INPP4B: variants seen among roughly 807,000 people sequenced by gnomAD.
INPP4B encodes the protein inositol polyphosphate-4-phosphatase type II B.
In INPP4B, 55 loss-of-function variants were observed where a neutral mutation model predicts 122.5. The observed-to-expected ratio is 0.45, with a 90% confidence interval of 0.36 to 0.56. INPP4B has a LOEUF of 0.56. Ranked by LOEUF, INPP4B falls within the 20% of genes least tolerant of loss-of-function variation. The pLI, the probability that INPP4B is intolerant of heterozygous loss-of-function variation, is 0.00. For missense variants in INPP4B, 1,000 were observed against 1,097.7 expected, an observed-to-expected ratio of 0.91 and a Z score of 1.26; for synonymous variants, 403 against 388.7, an observed-to-expected ratio of 1.04 and a Z score of -0.43.
chr4:142,216,314 G>A (rs1847235811), intron 12 of INPP4B, among the ~76,000 whole-genome samples: 1 of 152,164 alleles, frequency 6.6e-6, no homozygotes, highest in African/African-American at 2.4e-5. Context: ...CAAGAAGTTA[G>A]GGAGAAAAGA....
chr4:142,439,683 T>C (rs1173206716), intron 3 of INPP4B, among the ~76,000 whole-genome samples: 1 of 152,228 alleles, frequency 6.6e-6, no homozygotes, highest in African/African-American at 2.4e-5. Flanking sequence ...CTCTCTAATG[T>C]TGGTATTCCC....
At chr4:142,228,870 T>C (rs1852804571) in intron 12 of INPP4B, among the ~76,000 whole-genome samples, 1 of 151,732 alleles carries the variant, frequency 6.6e-6, no homozygotes, top group Non-Finnish European at 1.5e-5. Flanking sequence ...TGTATTTGTG[T>C]GGATATTTGT....
intron 2 of INPP4B, among the ~76,000 whole-genome samples, chr4:142,664,853 GA>G (rs765211894): frequency 6.6e-6 from 1 of 152,160 alleles, no homozygotes; most frequent in Non-Finnish European, 1.5e-5. Flanking sequence ...TATGTTCTGA[GA>G]AATGTATTGT....
At chr4:142,512,078 A>G (rs1289720379) in intron 2 of INPP4B, among the ~76,000 whole-genome samples, 1 of 152,198 alleles carries the variant, frequency 6.6e-6, no homozygotes, top group African/African-American at 2.4e-5. Flanking sequence ...GGTGAAATAA[A>G]GAAATCAGTC....
At chr4:142,537,865 T>C (rs1395101088) in intron 2 of INPP4B, among the ~76,000 whole-genome samples, 1 of 151,900 alleles carries the variant, frequency 6.6e-6, no homozygotes, top group Non-Finnish European at 1.5e-5. Context: ...TTACTTTGAA[T>C]TTTTCAAATC....
chr4:142,222,689 C>T (rs1654844363), intron 12 of INPP4B, among the ~76,000 whole-genome samples: 1 of 152,112 alleles, frequency 6.6e-6, no homozygotes, highest in Non-Finnish European at 1.5e-5. Flanking sequence ...GAGTATTATT[C>T]CGAAATCAGT....
chr4:142,325,589 C>T lies in INPP4B; in HGVS notation c.373-10827G>A, dbSNP rs568771115. Among the ~76,000 whole-genome samples, 284 of 152,194 alleles carry T rather than the reference C, an allele frequency of 1.9e-3. 3 individuals are homozygous for T. The highest frequency in any genetic ancestry group is 3.4e-3 in the Middle Eastern group (1 of 294). ...CAAGTTCATTCTATAGGCTTCCATG[C>T]CAAAAAGAAATACTAGTTAAGACAA... On this transcript the variant is annotated intron_variant, in intron 7 of 25. Coordinates refer to ENST00000262992, the MANE Select transcript of INPP4B (RefSeq NM_001101669.3).
At chr4:142,696,878 G>C (rs1024182753) in intron 2 of INPP4B, among the ~76,000 whole-genome samples, 17 of 152,090 alleles carry the variant, frequency 1.1e-4, no homozygotes, top group African/African-American at 3.6e-4. Flanking sequence ...TGTTTTACTT[G>C]TTTTTATAAC....
intron 7 of INPP4B, among the ~76,000 whole-genome samples, chr4:142,332,892 T>C (rs927018585): frequency 2.7e-5 from 4 of 147,152 alleles, no homozygotes; most frequent in Admixed American, 6.8e-5. Context: ...GTGCCTATAG[T>C]CCCAGCTACG....
Position 142,346,576 on chromosome 4 carries a change from G to A in INPP4B, c.373-31814C>T, listed in dbSNP as rs562231621. 1.7e-4 allele frequency among the ~76,000 whole-genome samples: 26 copies of A among 152,016 alleles called. No homozygotes were observed. The South Asian group carries it at 3.3e-3, about 19-fold the overall frequency. On this transcript the variant is annotated intron_variant, in intron 7 of 25. Coordinates refer to ENST00000262992, the MANE Select transcript of INPP4B (RefSeq NM_001101669.3). ...AGGTGAACAATGATAATCAAAAAGT[G>A]TAAATTATGCCCAAGAATAAAGAGA...
At chr4:142,384,431 C>T (rs1795248389) in intron 7 of INPP4B, among the ~76,000 whole-genome samples, 1 of 152,102 alleles carries the variant, frequency 6.6e-6, no homozygotes, top group Non-Finnish European at 1.5e-5. Flanking sequence ...TAACCTATTG[C>T]CCCTTGGCTG....
At position 142,241,276 on chromosome 4, in the gene INPP4B, C is replaced by T. The variant is rs558797050; in HGVS notation, c.689-3265G>A. Among the ~76,000 whole-genome samples, 35 of 151,970 alleles carry T rather than the reference C, an allele frequency of 2.3e-4. 1 individual carries two copies. The South Asian group carries it at 6.0e-3, about 26-fold the overall frequency. On this transcript the variant is annotated intron_variant, in intron 11 of 25. Coordinates refer to ENST00000262992, the MANE Select transcript of INPP4B (RefSeq NM_001101669.3). ...CCATACAATTGCTAAAAATATCATG[C>T]GACCGATTATATCAAAAGAAAAGTA... is the stretch of plus-strand genomic sequence containing the variant.
chr4:142,193,111 T>C lies in INPP4B; in HGVS notation c.1157A>G (p.His386Arg), dbSNP rs753545130. ...FKNGGLRKLL[H>R]RFETERRNTG... is the part of the protein sequence containing the mutation. ...CTTTCTTCTTTCTGTTTCAAATCTA[T>C]GGAGTAGCTTCCGAAGACCACCATT... Residue 386 changes from histidine to arginine, a missense_variant, in exon 15 of 26, where the codon CAT becomes CGT. Coordinates refer to ENST00000262992, the MANE Select transcript of INPP4B (RefSeq NM_001101669.3). 1.2e-6 allele frequency: 2 copies of C among 1,609,864 alleles called. No individual in the cohort carries two copies. Among genetic ancestry groups the C allele is most frequent in the Non-Finnish European group, 1.7e-6 (2 of 1,176,124 alleles).
At chr4:142,669,493 G>A (rs1005316542) in intron 2 of INPP4B, among the ~76,000 whole-genome samples, 3 of 151,938 alleles carry the variant, frequency 2.0e-5, no homozygotes, top group Non-Finnish European at 1.5e-5. Flanking sequence ...AGAAAGGAGA[G>A]CCCAGAAATA....
intron 2 of INPP4B, chr4:142,560,312 G>C (rs1730175618): frequency 1.3e-5 from 2 of 152,164 alleles, no homozygotes; most frequent in South Asian, 2.1e-4. Context: ...AGACAATCAG[G>C]CTCCTCTGTG....
intron 5 of INPP4B, among the ~76,000 whole-genome samples, chr4:142,425,551 A>G (rs1304331059): frequency 6.6e-6 from 1 of 151,938 alleles, no homozygotes; most frequent in African/African-American, 2.4e-5. Flanking sequence ...TGTCATTTCA[A>G]TGTCTAGTAT....
intron 2 of INPP4B, among the ~76,000 whole-genome samples, chr4:142,708,223 G>A (rs1207522341): frequency 6.6e-6 from 1 of 152,048 alleles, no homozygotes; most frequent in Non-Finnish European, 1.5e-5. Context: ...ATCTGAAACT[G>A]GAACTTATTT....
intron 2 of INPP4B, among the ~76,000 whole-genome samples, chr4:142,696,759 A>G (rs984962044): frequency 6.6e-6 from 1 of 152,182 alleles, no homozygotes; most frequent in South Asian, 2.1e-4. Context: ...GCCAGTAGAG[A>G]GGCTCAGTAA....
chr4:142,646,681 A>G (rs2150512805), intron 2 of INPP4B, among the ~76,000 whole-genome samples: 1 of 152,350 alleles, frequency 6.6e-6, no homozygotes, highest in East Asian at 1.9e-4. Context: ...TGACAGGTTC[A>G]GGTAACAGGA....
Sources: allele counts gnomAD v4.1 joint callset (sites outside exome capture counted in the v4.1 genomes callset), GRCh38; gene constraint gnomAD v4.1.1; transcripts MANE v1.5; gene names NCBI Gene and HGNC (gene_info 2026-07-23, HGNC 2026-07-21).